PTPRJ: variants seen among roughly 807,000 people sequenced by gnomAD.
PTPRJ encodes the protein protein tyrosine phosphatase receptor type J, also known as receptor-type tyrosine-protein phosphatase eta.
In PTPRJ, 129 loss-of-function variants were observed where a neutral mutation model predicts 141.3. The observed-to-expected ratio is 0.91, with a 90% CI of 0.79 to 1.06. PTPRJ has a LOEUF of 1.06. Among genes scored for constraint, PTPRJ ranks in the 50% least tolerant of loss-of-function variants. PTPRJ has a pLI of 0.00. For missense variants in PTPRJ, 1,601 were observed against 1,679.7 expected (o/e 0.95, Z 0.82); for synonymous variants, 610 against 640.5 (o/e 0.95, Z 0.72).
At chr11:48,130,907 A>G (rs1432275047) in intron 8 of PTPRJ, among the ~76,000 whole-genome samples, 191 bp downstream of exon 8, 1 of 151,536 alleles carries the variant, frequency 6.6e-6, no homozygotes, top group Non-Finnish European at 1.5e-5. Context: ...TTACATGGAA[A>G]CCATCAAGCA....
chr11:48,099,650 C>G (rs1856104671), intron 1 of PTPRJ, among the ~76,000 whole-genome samples: 1 of 152,120 alleles, frequency 6.6e-6, no homozygotes, highest in South Asian at 2.1e-4. Context: ...ATCTGATGCT[C>G]AGAGTTCTTT....
chr11:48,004,444 G>T (rs1854574712), intron 1 of PTPRJ, among the ~76,000 whole-genome samples: 1 of 152,178 alleles, frequency 6.6e-6, no homozygotes, highest in Admixed American at 6.6e-5. Flanking sequence ...TGTTACTGTT[G>T]TCCTGAGGAG....
At chr11:47,994,412 T>C (rs1436762288) in intron 1 of PTPRJ, among the ~76,000 whole-genome samples, 1 of 152,038 alleles carries the variant, frequency 6.6e-6, no homozygotes, top group African/African-American at 2.4e-5. Flanking sequence ...CTCAGCACCT[T>C]GGGAGGCCAA....
chr11:48,124,704 G>A (rs1377936044), intron 5 of PTPRJ, among the ~76,000 whole-genome samples: 2 of 152,234 alleles, frequency 1.3e-5, no homozygotes, highest in African/African-American at 4.8e-5. Flanking sequence ...AAAGAAGGGA[G>A]AATGACCTGA....
chr11:48,058,872 T>A (rs1590451122), intron 1 of PTPRJ, among the ~76,000 whole-genome samples: 1 of 152,300 alleles, frequency 6.6e-6, no homozygotes, highest in East Asian at 1.9e-4. Context: ...CCCCGGCAGC[T>A]CCCTGGCCTC....
intron 1 of PTPRJ, among the ~76,000 whole-genome samples, chr11:48,047,285 C>A (rs1854433018): frequency 6.7e-6 from 1 of 150,148 alleles, no homozygotes; most frequent in African/African-American, 2.5e-5. Context: ...TTTTGGTGAA[C>A]TCTTGAACAC....
chr11:48,036,250 C>A lies in PTPRJ; in HGVS notation c.96+55242C>A, dbSNP rs564082869. Among the ~76,000 whole-genome samples, 13 of 152,344 alleles carry A rather than the reference C, an allele frequency of 8.5e-5. No individual in the cohort carries two copies. In the East Asian group the frequency reaches 2.3e-3, roughly 27 times the overall value. ...AGAGTCTATCTCTGTTCTGCCCCTTCTTGGCATTCCCAGCACAGCCTCCAA... is the reference window on the plus strand; with the variant it reads ...AGAGTCTATCTCTGTTCTGCCCCTTATTGGCATTCCCAGCACAGCCTCCAA... On this transcript the variant is annotated intron_variant, in intron 1 of 24. Transcript: ENST00000418331.
chr11:48,142,793 T>C, intron 11 of PTPRJ, 126 bp from the exon 12 acceptor site: 1 of 1,210,290 alleles, frequency 8.3e-7, no homozygotes, highest in South Asian at 1.6e-5. Context: ...TTTGCTGTTT[T>C]GCACGAGCCC....
Position 48,167,446 on chromosome 11 carries a change from TA to T in PTPRJ, c.*85del. ...ATGCCCCGATGTCGACATGTTTTTA[TA>T]TGTCTAATATCTTAATTCTTTGTTC... On this transcript the variant is annotated 3_prime_UTR_variant, in exon 25 of 25. Transcript: ENST00000418331. 7.2e-7 allele frequency: 1 copy of T among 1,389,754 alleles called. No homozygotes were observed. The highest frequency in any genetic ancestry group is 9.9e-7 in the Non-Finnish European group (1 of 1,009,214). The allele number at this position is 1,389,754 out of a possible 1,614,324, so 86.1% of individuals were successfully genotyped here. A position where few individuals can be genotyped will look rare whatever the true frequency, so the allele number is the denominator to read the frequency against.
rs869194701 is a variant in PTPRJ at position 47,988,879 on chromosome 11, G to GTTTTTTTTTTTTTTTTTTTTTT, written c.96+7876_96+7897dup. 5.2e-5 allele frequency among the ~76,000 whole-genome samples: 4 copies of GTTTTTTTTTTTTTTTTTTTTTT among 76,340 alleles called. 1 individual carries two copies. Among genetic ancestry groups the GTTTTTTTTTTTTTTTTTTTTTT allele is most frequent in the African/African-American group, 2.7e-4 (4 of 14,600 alleles). 50.1% of individuals were successfully genotyped at this position (76,340 alleles called of 152,430 possible). Reference sequence around the variant, plus strand: ...TCTGAAAGGTGAAAAATTGTATCTTGTTTTTTTTTTTTTTTTTTTTTTTTT... The same window carrying GTTTTTTTTTTTTTTTTTTTTTT: ...TCTGAAAGGTGAAAAATTGTATCTTGTTTTTTTTTTTTTTTTTTTTTTTTTTTTTTTTTTTTTTTTTTTTTTT... On this transcript the variant is annotated intron_variant, in intron 1 of 24. Transcript: ENST00000418331.
chr11:48,033,065 A>C (rs554342453), intron 1 of PTPRJ, among the ~76,000 whole-genome samples: 4 of 152,250 alleles, frequency 2.6e-5, no homozygotes, highest in East Asian at 1.9e-4. Flanking sequence ...TAAAAAAAAA[A>C]AAACAAGTCT....
rs770835019 is a variant in PTPRJ, at chr11:48,136,272, C to T, written c.1849C>T (p.Pro617Ser). 6.2e-7 allele frequency: 1 copy of T among 1,614,040 alleles called. No individual in the cohort carries two copies. The highest frequency in any genetic ancestry group is 1.6e-4 in the Middle Eastern group (1 of 6,084). The change falls in exon 9 of 25, where the codon CCC (proline) becomes TCC (serine). Residue 617 changes from proline to serine, a missense_variant. Transcript: ENST00000418331. ...SPEVDHVWGD[P>S]NSTAQYTRPS... Reference sequence around the variant, plus strand: ...AGAAGTGGACCACGTCTGGGGGGACCCCAACTCCACTGCACAGTACACACG... The same window carrying T: ...AGAAGTGGACCACGTCTGGGGGGACTCCAACTCCACTGCACAGTACACACG...
chr11:48,087,464 C>T (rs1254117120), intron 1 of PTPRJ, among the ~76,000 whole-genome samples: 1 of 152,206 alleles, frequency 6.6e-6, no homozygotes, highest in African/African-American at 2.4e-5. Flanking sequence ...GTCAACCCTT[C>T]ACATTTTGGT....
At chr11:48,032,331 A>G (rs1854005181) in intron 1 of PTPRJ, among the ~76,000 whole-genome samples, 1 of 152,152 alleles carries the variant, frequency 6.6e-6, no homozygotes, top group Non-Finnish European at 1.5e-5. Flanking sequence ...GCCTAACCCA[A>G]CTCTGACAGC....
At chr11:48,042,057 A>C (rs903380973) in intron 1 of PTPRJ, among the ~76,000 whole-genome samples, 3 of 151,986 alleles carry the variant, frequency 2.0e-5, no homozygotes, top group African/African-American at 7.2e-5. Flanking sequence ...ATTTACACGA[A>C]GGCCACGGTG....
intron 1 of PTPRJ, among the ~76,000 whole-genome samples, chr11:48,088,753 C>G (rs752027597): frequency 1.2e-4 from 18 of 152,100 alleles, no homozygotes; most frequent in Non-Finnish European, 2.5e-4. Flanking sequence ...GACGGATGAA[C>G]TAGGTACCCA....
At chr11:48,030,459 T>C (rs1459330171) in intron 1 of PTPRJ, among the ~76,000 whole-genome samples, 2 of 152,134 alleles carry the variant, frequency 1.3e-5, no homozygotes, top group African/African-American at 2.4e-5. Context: ...GTCTGAGTCA[T>C]ATGTTGGCAG....
intron 1 of PTPRJ, among the ~76,000 whole-genome samples, chr11:48,021,252 T>A (rs1337553564): frequency 6.6e-6 from 1 of 152,068 alleles, no homozygotes; most frequent in East Asian, 1.9e-4. Context: ...CATGTGCCTG[T>A]AATCCCAGCT....
intron 1 of PTPRJ, among the ~76,000 whole-genome samples, chr11:48,084,672 T>C (rs1227446001): frequency 3.3e-5 from 5 of 152,222 alleles, no homozygotes; most frequent in Non-Finnish European, 7.3e-5. Context: ...GCTTGGTTCA[T>C]GTGAGCTCTG....
Sources: allele counts gnomAD v4.1 joint callset (sites outside exome capture counted in the v4.1 genomes callset), GRCh38; gene constraint gnomAD v4.1.1; transcripts MANE v1.5; gene names NCBI Gene and HGNC (gene_info 2026-07-23, HGNC 2026-07-21).